Variants in HCN1 observed in about 807,000 individuals in gnomAD.
HCN1 encodes the protein hyperpolarization activated cyclic nucleotide gated potassium channel 1.
In HCN1, 13 loss-of-function variants were observed where a neutral mutation model predicts 78.9. That is an observed-to-expected ratio of 0.16 (90% CI 0.11 to 0.26). HCN1 has a LOEUF of 0.26. HCN1 is among the 10% of genes least tolerant of loss of function. The probability of loss-of-function intolerance (pLI) is 1.00; values close to 1 mark genes in which losing one functional copy is unlikely to be tolerated. For missense variants in HCN1, 810 were observed against 1,154.3 expected (o/e 0.70, Z 4.32); for synonymous variants, 552 against 455.5 (o/e 1.21, Z -2.70).
chr5:45,263,230 T>C (rs1004163030), intron 7 of HCN1, among the ~76,000 whole-genome samples: 9 of 152,270 alleles, frequency 5.9e-5, no homozygotes, highest in African/African-American at 2.2e-4. Context: ...ATAAGCACTC[T>C]ACAAAAGACC....
rs1338408128 is a variant in HCN1, at chr5:45,349,178, A to T, written c.1377+3922T>A. Among the ~76,000 whole-genome samples the T allele has an allele frequency of 5.3e-5, 8 of 152,362 alleles. No individual in the cohort carries two copies. The South Asian group carries it at 1.7e-3, about 32-fold the overall frequency. On this transcript the variant is annotated intron_variant, in intron 5 of 7. Transcript: ENST00000303230. ...CAGAAATTATAACAAACTGTCTCTC[A>T]GACCACAGTGCAATCAAACTAGAAC...
At chr5:45,528,886 G>C (rs563204881) in intron 2 of HCN1, among the ~76,000 whole-genome samples, 1 of 151,996 alleles carries the variant, frequency 6.6e-6, no homozygotes, top group East Asian at 1.9e-4. Context: ...AAGATCACAG[G>C]CATGATTAGG....
intron 5 of HCN1, among the ~76,000 whole-genome samples, chr5:45,338,828 GGTCTGGGTTTTTAGACTCAGT>G (rs1416003582): frequency 2.0e-5 from 3 of 152,024 alleles, no homozygotes; most frequent in Non-Finnish European, 4.4e-5. Context: ...TCAAAAATCA[GGTCTGGGTTTTTAGACTCAGT>G]GTCATTTTAG....
intron 2 of HCN1, among the ~76,000 whole-genome samples, chr5:45,532,757 CA>C (rs1435274005): frequency 6.6e-6 from 1 of 152,168 alleles, no homozygotes; most frequent in African/African-American, 2.4e-5. Flanking sequence ...GTATTATTTT[CA>C]TTTGAACCAG....
Position 45,674,736 on chromosome 5 carries a change from T to C in HCN1, c.425+20933A>G, listed in dbSNP as rs981506860. 2.6e-5 allele frequency among the ~76,000 whole-genome samples: 4 copies of C among 151,648 alleles called. No individual in the cohort carries two copies. The East Asian group carries it at 5.8e-4, about 22-fold the overall frequency. Reference sequence around the variant, plus strand: ...CATTTTAGAGTACAATAAACAATATTTGTGGAATTTAAAATAAGAAAGTAT... The same window carrying C: ...CATTTTAGAGTACAATAAACAATATCTGTGGAATTTAAAATAAGAAAGTAT... On this transcript the variant is annotated intron_variant, in intron 1 of 7. Coordinates refer to ENST00000303230, the MANE Select transcript of HCN1 (RefSeq NM_021072.4).
intron 2 of HCN1, among the ~76,000 whole-genome samples, chr5:45,590,605 C>G (rs1486207019): frequency 1.3e-5 from 2 of 152,146 alleles, no homozygotes; most frequent in African/African-American, 4.8e-5. Flanking sequence ...GAGTAGTTTC[C>G]TGCCCTAATA....
intron 4 of HCN1, among the ~76,000 whole-genome samples, chr5:45,382,629 T>C (rs1276313354): frequency 1.3e-5 from 2 of 152,182 alleles, no homozygotes; most frequent in Non-Finnish European, 2.9e-5. Flanking sequence ...CATATCTGTA[T>C]TATCCGTATT....
chr5:45,615,437 T>C (rs1418358802), intron 2 of HCN1, among the ~76,000 whole-genome samples: 1 of 152,002 alleles, frequency 6.6e-6, no homozygotes, highest in Non-Finnish European at 1.5e-5. Flanking sequence ...TATGCCTCAA[T>C]TGCAGAAAGG....
chr5:45,369,077 AC>A lies in HCN1; in HGVS notation c.1231-15832del, dbSNP rs1426063993. ...TCTAGATTTTTACATAAATGGAATA[AC>A]ATTTATTCTTTTTCATGTGGCTTTT... On this transcript the variant is annotated intron_variant, in intron 4 of 7. Coordinates refer to ENST00000303230, the MANE Select transcript of HCN1 (RefSeq NM_021072.4). Among the ~76,000 whole-genome samples the A allele has an allele frequency of 2.0e-5, 3 of 150,264 alleles. No individual in the cohort carries two copies. In the East Asian group the frequency reaches 5.8e-4, roughly 29 times the overall value.
chr5:45,524,631 C>A (rs559962263), intron 2 of HCN1, among the ~76,000 whole-genome samples: 7,361 of 151,750 alleles, frequency 0.049, 565 homozygotes, highest in African/African-American at 0.16. Context: ...TGTGAATGGG[C>A]GTTCACTCAT....
At chr5:45,674,807 G>A (rs1250580876) in intron 1 of HCN1, among the ~76,000 whole-genome samples, 5 of 151,638 alleles carry the variant, frequency 3.3e-5, no homozygotes. Flanking sequence ...TGGGTGTAGT[G>A]GCTCACTCGT....
chr5:45,683,227 A>G (rs775230579), intron 1 of HCN1, among the ~76,000 whole-genome samples: 3 of 152,126 alleles, frequency 2.0e-5, no homozygotes, highest in Non-Finnish European at 4.4e-5. Context: ...TTATTTCAGT[A>G]AATCATTTTT....
intron 2 of HCN1, among the ~76,000 whole-genome samples, chr5:45,609,569 C>A (rs1744792238): frequency 6.6e-6 from 1 of 151,922 alleles, no homozygotes; most frequent in African/African-American, 2.4e-5. Context: ...TAATTTTGAC[C>A]ATAAAACCTT....
chr5:45,597,059 C>T (rs1411189710), intron 2 of HCN1, among the ~76,000 whole-genome samples: 1 of 152,154 alleles, frequency 6.6e-6, no homozygotes, highest in Non-Finnish European at 1.5e-5. Context: ...CTCCCTAACT[C>T]ATTTAATGAG....
intron 5 of HCN1, among the ~76,000 whole-genome samples, chr5:45,316,462 G>C (rs1236266541): frequency 6.6e-6 from 1 of 152,108 alleles, no homozygotes; most frequent in African/African-American, 2.4e-5. Flanking sequence ...ATATCATACT[G>C]AATGGGCAAA....
intron 2 of HCN1, among the ~76,000 whole-genome samples, chr5:45,615,158 A>G (rs1421733147): frequency 6.6e-6 from 1 of 152,058 alleles, no homozygotes; most frequent in Non-Finnish European, 1.5e-5. Context: ...AACAATGAGT[A>G]GTCAAGTATT....
At chr5:45,547,268 G>T (rs913700366) in intron 2 of HCN1, among the ~76,000 whole-genome samples, 3 of 151,910 alleles carry the variant, frequency 2.0e-5, no homozygotes, top group African/African-American at 7.2e-5. Context: ...TACATTTCTG[G>T]ATTGAGCAAT....
chr5:45,665,612 A>G (rs1288817676), intron 1 of HCN1, among the ~76,000 whole-genome samples: 5 of 152,084 alleles, frequency 3.3e-5, no homozygotes, highest in African/African-American at 7.2e-5. Flanking sequence ...ATACTTGGAA[A>G]AAAAAGTAAA....
At chr5:45,647,753 T>C (rs1745579718) in intron 1 of HCN1, among the ~76,000 whole-genome samples, 2 of 152,030 alleles carry the variant, frequency 1.3e-5, no homozygotes, top group African/African-American at 2.4e-5. Context: ...ATATCCCCTA[T>C]CTCAGGGAAT....
Sources: gnomAD v4.1 joint callset for allele counts (sites outside exome capture counted in the v4.1 genomes callset) on GRCh38, gnomAD v4.1.1 for gene constraint, MANE v1.5 for transcripts, NCBI Gene and HGNC (gene_info 2026-07-23, HGNC 2026-07-21) for gene names.